MTM1: variants seen among roughly 807,000 people sequenced by gnomAD.
MTM1 encodes the protein myotubularin 1.
MTM1 carries 9 observed loss-of-function variants against 52.1 expected under a neutral mutation model. The ratio of observed to expected loss-of-function variants is 0.17; its 90% CI spans 0.10 to 0.30. MTM1 has a LOEUF of 0.30. Ranked by LOEUF, MTM1 falls within the 10% of genes least tolerant of loss-of-function variation. The pLI is 1.00. For missense variants in MTM1, 277 were observed against 470.7 expected (o/e 0.59, Z 3.81); for synonymous variants, 136 against 163.8 (o/e 0.83, Z 1.29).
chrX:150,665,348 A>T lies in MTM1; in HGVS notation c.1644+1739A>T, dbSNP rs797035612. On this transcript the variant is annotated intron_variant, in intron 14 of 14. Coordinates refer to ENST00000370396, the MANE Select transcript of MTM1 (RefSeq NM_000252.3). ...GCCCATGAGTAGCTCCCAAGCTGGT[A>T]GGGGCGGCCAGAAACATAAGCCAAT... Among the ~76,000 whole-genome samples, 8 of 112,305 alleles carry T rather than the reference A, an allele frequency of 7.1e-5. No individual in the cohort carries two copies. In the South Asian group the frequency reaches 3.0e-3, roughly 42 times the overall value.
At chrX:150,590,568 A>G (rs1406574929) in intron 1 of MTM1, among the ~76,000 whole-genome samples, 1 of 111,513 alleles carries the variant, frequency 9.0e-6, no homozygotes, top group Non-Finnish European at 1.9e-5. Context: ...TAAATTGTAC[A>G]CTTGAAAAGG....
At chrX:150,659,791 C>T in intron 12 of MTM1, 35 bp downstream of exon 12, 1 of 1,058,105 alleles carries the variant, frequency 9.5e-7, no homozygotes, top group Non-Finnish European at 1.3e-6. Context: ...ACATTCAACT[C>T]ATTGTTTAAA....
At chrX:150,612,645 G>A (rs782509683) in intron 4 of MTM1, among the ~76,000 whole-genome samples, 6 of 111,517 alleles carry the variant, frequency 5.4e-5, no homozygotes, top group South Asian at 3.7e-4. Context: ...AGGAGTTTGC[G>A]ACCAGCCTGG....
intron 11 of MTM1, among the ~76,000 whole-genome samples, chrX:150,659,377 A>G (rs1350037526): frequency 8.9e-6 from 1 of 112,161 alleles, no homozygotes; most frequent in African/African-American, 3.2e-5. Context: ...ATAGCTGTTC[A>G]GGACTTGTAC....
intron 7 of MTM1, among the ~76,000 whole-genome samples, chrX:150,640,484 C>T (rs189900555): frequency 9.0e-6 from 1 of 111,695 alleles, no homozygotes; most frequent in East Asian, 2.8e-4. Context: ...AGCAAACACC[C>T]ACATAGCTCA....
rs782543290 is a variant in MTM1, at chrX:150,633,896, G to A, written c.445-5047G>A. On this transcript the variant is annotated intron_variant, in intron 6 of 14. Coordinates refer to ENST00000370396, the MANE Select transcript of MTM1 (RefSeq NM_000252.3). ...AAATACAAAAAAAAATTAGCTGGGCGTGGTGATGTGTGCCTGTAGTCCCAG... is the reference window on the plus strand; with the variant it reads ...AAATACAAAAAAAAATTAGCTGGGCATGGTGATGTGTGCCTGTAGTCCCAG... Among the ~76,000 whole-genome samples the A allele has an allele frequency of 9.8e-5, 11 of 111,976 alleles. No homozygotes were observed. The South Asian group carries it at 1.1e-3, about 11-fold the overall frequency.
At chrX:150,656,244 G>T (rs1182943395) in intron 10 of MTM1, among the ~76,000 whole-genome samples, 1 of 111,661 alleles carries the variant, frequency 9.0e-6, no homozygotes, top group South Asian at 3.7e-4. Context: ...GAAGGTCTTT[G>T]CAGACATGTT....
Position 150,671,793 on chromosome X carries a change from G to A in MTM1, c.*198G>A. 1 of 477,245 alleles carries A rather than the reference G, an allele frequency of 2.1e-6. No homozygotes were observed. Among genetic ancestry groups the A allele is most frequent in the Non-Finnish European group, 3.5e-6 (1 of 289,760 alleles). 39.3% of individuals were successfully genotyped at this position (477,245 alleles called of 1,213,427 possible). A position where few individuals can be genotyped will look rare whatever the true frequency, so the allele number is the denominator to read the frequency against. On this transcript the variant is annotated 3_prime_UTR_variant, in exon 15 of 15. Coordinates refer to ENST00000370396, the MANE Select transcript of MTM1 (RefSeq NM_000252.3). Reference sequence around the variant, plus strand: ...GGGTCCACACGGCAATCAGAAGAAAGGAGCTGAGATGAGGTTTTGGAAAAC... The same window carrying A: ...GGGTCCACACGGCAATCAGAAGAAAAGAGCTGAGATGAGGTTTTGGAAAAC...
At chrX:150,592,532 A>T in intron 1 of MTM1, 73 bp from the exon 2 acceptor site, 1 of 788,217 alleles carries the variant, frequency 1.3e-6, no homozygotes, top group Non-Finnish European at 2.0e-6. Flanking sequence ...TGCCATATTT[A>T]AGTCTCAGAT....
intron 14 of MTM1, among the ~76,000 whole-genome samples, chrX:150,670,720 A>G (rs1476857192): frequency 3.6e-5 from 4 of 111,503 alleles, no homozygotes; most frequent in African/African-American, 1.3e-4. Context: ...ACCATATTCT[A>G]CTTCTCAGCA....
intron 4 of MTM1, among the ~76,000 whole-genome samples, chrX:150,601,759 C>G (rs1413736216): frequency 8.9e-6 from 1 of 112,270 alleles, no homozygotes; most frequent in Admixed American, 9.4e-5. Flanking sequence ...TGAGGCCGAC[C>G]AGCTTATTTC....
rs1230602581 is a variant in MTM1, at chrX:150,583,890, T to TAC, written c.-10-8714_-10-8713insCA. On this transcript the variant is annotated intron_variant, in intron 1 of 14. Coordinates refer to ENST00000370396, the MANE Select transcript of MTM1 (RefSeq NM_000252.3). ...ATTAAATATATATTAAATATATATA[T>TAC]ATATTTGATATATATATATATAATA... Among the ~76,000 whole-genome samples, 221 of 35,284 alleles carry TAC rather than the reference T, an allele frequency of 6.3e-3. 37 individuals are homozygous for TAC. Among genetic ancestry groups the TAC allele is most frequent in the Middle Eastern group, 0.025 (1 of 40 alleles). 30.6% of individuals were successfully genotyped at this position (35,284 alleles called of 115,157 possible). A position where few individuals can be genotyped will look rare whatever the true frequency, so the allele number is the denominator to read the frequency against.
At chrX:150,660,577 C>A in intron 13 of MTM1, 93 bp downstream of exon 13, 1 of 580,237 alleles carries the variant, frequency 1.7e-6, no homozygotes, top group Non-Finnish European at 2.9e-6. Context: ...GCTTGTAAGA[C>A]ACTGTCTTTG....
chrX:150,630,183 C>T (rs1194619095), intron 6 of MTM1, among the ~76,000 whole-genome samples: 1 of 111,921 alleles, frequency 8.9e-6, no homozygotes, highest in African/African-American at 3.3e-5. Context: ...ACCTCCGCCT[C>T]CCGGGTTCAA....
At chrX:150,605,325 C>T (rs1339193369) in intron 4 of MTM1, among the ~76,000 whole-genome samples, 1 of 112,230 alleles carries the variant, frequency 8.9e-6, no homozygotes, top group South Asian at 3.7e-4. Context: ...AACCCTTGGT[C>T]AGTATAATTT....
At position 150,583,911 on chromosome X, in the gene MTM1, T is replaced by TATATTA. The variant is rs2038725324; in HGVS notation, c.-10-8693_-10-8692insTATTAA. 1.3e-4 allele frequency among the ~76,000 whole-genome samples: 5 copies of TATATTA among 38,594 alleles called. 1 individual carries two copies. Among genetic ancestry groups the TATATTA allele is most frequent in the African/African-American group, 1.6e-4 (2 of 12,130 alleles). 33.5% of individuals were successfully genotyped at this position (38,594 alleles called of 115,157 possible). A position where few individuals can be genotyped will look rare whatever the true frequency, so the allele number is the denominator to read the frequency against. On this transcript the variant is annotated intron_variant, in intron 1 of 14. Coordinates refer to ENST00000370396, the MANE Select transcript of MTM1 (RefSeq NM_000252.3). ...TATATATATTTGATATATATATATA[T>TATATTA]AATATAAAATATATATTAAATTAAA...
At chrX:150,566,292 C>G (rs782477259), upstream of MTM1, among the ~76,000 whole-genome samples, 1 of 111,161 alleles carries the variant, frequency 9.0e-6, no homozygotes, top group Non-Finnish European at 1.9e-5. Context: ...CCCACCACCA[C>G]GCCTGGCTAA....
At chrX:150,630,577 C>T (rs2039650657) in intron 6 of MTM1, among the ~76,000 whole-genome samples, 1 of 111,885 alleles carries the variant, frequency 8.9e-6, no homozygotes, top group African/African-American at 3.3e-5. Flanking sequence ...GTATCTTCTA[C>T]CTATTTTTTG....
At chrX:150,609,102 C>G (rs1463264476) in intron 4 of MTM1, among the ~76,000 whole-genome samples, 1 of 111,630 alleles carries the variant, frequency 9.0e-6, no homozygotes, top group Non-Finnish European at 1.9e-5. Flanking sequence ...GCTGGTATTA[C>G]AGGCGTGAGC....
Sources: allele counts gnomAD v4.1 joint callset (sites outside exome capture counted in the v4.1 genomes callset), GRCh38; gene constraint gnomAD v4.1.1; transcripts MANE v1.5; gene names NCBI Gene and HGNC (gene_info 2026-07-23, HGNC 2026-07-21).